Variants in AKAP19 observed in about 807,000 individuals in gnomAD.
AKAP19 encodes the protein A-kinase anchoring protein 19, also known as small A-kinase anchoring protein.
chr2:190,103,582 T>C, the AKAP19 span, among the ~76,000 whole-genome samples: 10 of 152,288 alleles, frequency 6.6e-5, no homozygotes, highest in African/African-American at 2.2e-4. Context: ...ACACAGTCCA[T>C]TTATAATATC....
At chr2:190,123,640 G>A in the AKAP19 span, among the ~76,000 whole-genome samples, 1 of 152,176 alleles carries the variant, frequency 6.6e-6, no homozygotes, top group African/African-American at 2.4e-5. Context: ...GCTCAGGATT[G>A]CAAGACTCAC....
At chr2:190,115,599 G>C in the AKAP19 span, among the ~76,000 whole-genome samples, 4 of 151,418 alleles carry the variant, frequency 2.6e-5, no homozygotes, top group East Asian at 7.8e-4. Context: ...GATTACAGGC[G>C]TGAGCCACCG....
At chr2:189,955,058 A>G in the AKAP19 span, among the ~76,000 whole-genome samples, 5 of 152,148 alleles carry the variant, frequency 3.3e-5, no homozygotes, top group Non-Finnish European at 5.9e-5. Context: ...AATAGTGTAC[A>G]TTGTACTCCA....
chr2:189,895,595 A>G, the AKAP19 span, among the ~76,000 whole-genome samples: 1 of 152,128 alleles, frequency 6.6e-6, no homozygotes, highest in Non-Finnish European at 1.5e-5. Context: ...GTGTTAATGT[A>G]CCAATACTGG....
the AKAP19 span, among the ~76,000 whole-genome samples, chr2:189,974,662 G>A: frequency 3.3e-5 from 5 of 152,140 alleles, no homozygotes. Flanking sequence ...ATGAATCTGG[G>A]TGCTCCTGTA....
chr2:190,009,857 T>C, the AKAP19 span, among the ~76,000 whole-genome samples: 2 of 151,254 alleles, frequency 1.3e-5, no homozygotes, highest in Non-Finnish European at 2.9e-5. Flanking sequence ...TGAGACATAA[T>C]GACCAGTAGG....
At chr2:190,094,042 A>G in the AKAP19 span, among the ~76,000 whole-genome samples, 2 of 152,186 alleles carry the variant, frequency 1.3e-5, no homozygotes, top group Non-Finnish European at 2.9e-5. Context: ...CTAAGGCCCC[A>G]CACCCCTGCA....
the AKAP19 span, among the ~76,000 whole-genome samples, chr2:189,972,314 G>C: frequency 6.6e-6 from 1 of 152,112 alleles, no homozygotes; most frequent in South Asian, 2.1e-4. Flanking sequence ...TTATTTCTGA[G>C]GGTTCTGTTC....
the AKAP19 span, among the ~76,000 whole-genome samples, chr2:189,966,185 G>A: frequency 2.0e-5 from 3 of 149,782 alleles, no homozygotes; most frequent in East Asian, 2.0e-4. Flanking sequence ...GGGTACCTGG[G>A]GGGGAAAGGG....
At chr2:190,181,619 G>C in the AKAP19 span, among the ~76,000 whole-genome samples, 1 of 152,144 alleles carries the variant, frequency 6.6e-6, no homozygotes, top group African/African-American at 2.4e-5. Context: ...GAAGCAAAGC[G>C]GAACAATTGG....
At chr2:190,148,171 G>GGAT in the AKAP19 span, among the ~76,000 whole-genome samples, 1 of 152,226 alleles carries the variant, frequency 6.6e-6, no homozygotes, top group East Asian at 1.9e-4. Context: ...ATTACACTGA[G>GGAT]GATGTCCCTT....
At chr2:190,079,385 A>AT in the AKAP19 span, 2 of 152,258 alleles carry the variant, frequency 1.3e-5, no homozygotes, top group Non-Finnish European at 2.9e-5. Context: ...CACCAAACCC[A>AT]CAAGTATCAT....
the AKAP19 span, among the ~76,000 whole-genome samples, chr2:190,052,939 C>CAT: frequency 2.6e-5 from 4 of 152,030 alleles, no homozygotes; most frequent in Non-Finnish European, 5.9e-5. Context: ...GCCTATAGTG[C>CAT]ATATATAGAA....
chr2:190,190,146 C>G, the AKAP19 span: 1 of 152,100 alleles, frequency 6.6e-6, no homozygotes, highest in South Asian at 2.1e-4. Flanking sequence ...TAACATATAC[C>G]TCATGTAACT....
chr2:190,014,879 A>G, the AKAP19 span, among the ~76,000 whole-genome samples: 1 of 152,166 alleles, frequency 6.6e-6, no homozygotes, highest in Non-Finnish European at 1.5e-5. Flanking sequence ...CAGTCATTAC[A>G]TCTTAGGGCT....
the AKAP19 span, among the ~76,000 whole-genome samples, chr2:190,035,130 G>C: frequency 6.6e-6 from 1 of 152,016 alleles, no homozygotes; most frequent in African/African-American, 2.4e-5. Context: ...GGGACAAACA[G>C]TTGTATATGT....
At chr2:190,137,513 A>C in the AKAP19 span, among the ~76,000 whole-genome samples, 4 of 152,116 alleles carry the variant, frequency 2.6e-5, no homozygotes, top group Non-Finnish European at 4.4e-5. Flanking sequence ...TCTCCAAAGC[A>C]CTCCTAGACC....
chr2:190,026,101 A>G, the AKAP19 span, among the ~76,000 whole-genome samples: 5 of 152,176 alleles, frequency 3.3e-5, no homozygotes, highest in Non-Finnish European at 5.9e-5. Flanking sequence ...TGACTACTTC[A>G]GGCCAACTTA....
the AKAP19 span, among the ~76,000 whole-genome samples, chr2:190,012,610 T>C: frequency 2.0e-5 from 3 of 152,240 alleles, no homozygotes; most frequent in African/African-American, 7.2e-5. Flanking sequence ...TATATTTATC[T>C]TGCCTAATTA....
Sources: gnomAD v4.1 joint callset for allele counts (sites outside exome capture counted in the v4.1 genomes callset) on GRCh38, gnomAD v4.1.1 for gene constraint, MANE v1.5 for transcripts, NCBI Gene and HGNC (gene_info 2026-07-23, HGNC 2026-07-21) for gene names.